Variants in GCA observed in about 807,000 individuals in gnomAD.
The protein encoded by GCA is grancalcin.
A neutral mutation model predicts 32.6 loss-of-function variants in GCA; 30 were observed. The ratio of observed to expected loss-of-function variants is 0.92; its 90% confidence interval spans 0.69 to 1.25. The LOEUF (loss-of-function observed/expected upper bound fraction) is 1.25, where lower values mean the gene tolerates loss of function less well. Among genes scored for constraint, GCA ranks in the 50% most tolerant of loss-of-function variants. The pLI is 0.00. For missense variants in GCA, 291 were observed against 266.8 expected (o/e 1.09, Z -0.63); for synonymous variants, 102 against 84.6 (o/e 1.21, Z -1.13).
intron 2 of GCA, among the ~76,000 whole-genome samples, chr2:162,351,211 T>C (rs1016793901): frequency 6.6e-6 from 1 of 152,234 alleles, no homozygotes; most frequent in African/African-American, 2.4e-5. Flanking sequence ...TTAACTTTTG[T>C]ATGCACACTG....
chr2:162,344,486 G>A, intron 1 of GCA: 1 of 588,924 alleles, frequency 1.7e-6, no homozygotes. Context: ...TGGTCGTTGA[G>A]GACCCTCGAG....
In GCA at chr2:162,358,456, T is replaced by G. The variant is rs1008920739; in HGVS notation, c.455-588T>G. On this transcript the variant is annotated intron_variant, in intron 5 of 7. Coordinates refer to ENST00000437150, the MANE Select transcript of GCA (RefSeq NM_012198.5). ...AAGATTTTGGACATCACAGGACTAC[T>G]GAACAAAGAACCAAGGAAATCAGTG... Among the ~76,000 whole-genome samples, 3 of 151,522 alleles carry G rather than the reference T, an allele frequency of 2.0e-5. No individual in the cohort carries two copies. The South Asian group carries it at 6.2e-4, about 31-fold the overall frequency.
chr2:162,335,176 C>G (rs1684227773), intron 1 of GCA, among the ~76,000 whole-genome samples: 1 of 152,096 alleles, frequency 6.6e-6, no homozygotes, highest in African/African-American at 2.4e-5. Flanking sequence ...CTTTGGGAGG[C>G]CAAGGTGGGT....
chr2:162,362,450 A>G lies in GCA; in HGVS notation c.*2207A>G, dbSNP rs1685613920. The G allele has an allele frequency of 1.0e-6, 1 of 963,814 alleles. No individual in the cohort carries two copies. The highest frequency in any genetic ancestry group is 4.8e-5 in the South Asian group (1 of 20,902). The allele number at this position is 963,814 out of a possible 1,614,324, so 59.7% of individuals were successfully genotyped here. Reference sequence around the variant, plus strand: ...AAAAATAACTGATATTTTTATGATGAACATGACTGTAATATGAATATAGTA... The same window carrying G: ...AAAAATAACTGATATTTTTATGATGGACATGACTGTAATATGAATATAGTA... On this transcript the variant is annotated 3_prime_UTR_variant, in exon 8 of 8. Coordinates refer to ENST00000437150, the MANE Select transcript of GCA (RefSeq NM_012198.5).
downstream of GCA, among the ~76,000 whole-genome samples, chr2:162,372,956 G>T (rs1231837945): frequency 2.6e-5 from 4 of 152,024 alleles, no homozygotes; most frequent in African/African-American, 4.8e-5. Context: ...GTGATGGGTG[G>T]GGTACAGACA....
rs80328908 is a variant in GCA, at chr2:162,362,081, T to G, written c.*1838T>G. 50 of 983,292 alleles carry G rather than the reference T, an allele frequency of 5.1e-5. No individual in the cohort carries two copies. Among genetic ancestry groups the G allele is most frequent in the Non-Finnish European group, 6.0e-5 (50 of 828,262 alleles). 60.9% of individuals were successfully genotyped at this position (983,292 alleles called of 1,614,324 possible). A position where few individuals can be genotyped will look rare whatever the true frequency, so the allele number is the denominator to read the frequency against. Reference sequence around the variant, plus strand: ...CAATTTTCATTTAAAAATGTTCTTATGACTTTTGGTCATAGAAGGTCTATG... The same window carrying G: ...CAATTTTCATTTAAAAATGTTCTTAGGACTTTTGGTCATAGAAGGTCTATG... On this transcript the variant is annotated 3_prime_UTR_variant, in exon 8 of 8. Transcript: ENST00000437150.
At chr2:162,328,941 C>A (rs1014567659) in intron 1 of GCA, among the ~76,000 whole-genome samples, 2 of 152,176 alleles carry the variant, frequency 1.3e-5, no homozygotes, top group African/African-American at 4.8e-5. Flanking sequence ...CTGACTATCC[C>A]AGCCAAACTC....
chr2:162,319,460 A>G (rs948943584), intron 1 of GCA: 4 of 227,370 alleles, frequency 1.8e-5, no homozygotes, highest in Non-Finnish European at 1.8e-5. Context: ...AAAATCCCCC[A>G]ACAACTTATT....
At chr2:162,343,966 C>T (rs1482437336), upstream of GCA, 1 of 468,570 alleles carries the variant, frequency 2.1e-6, no homozygotes, top group South Asian at 3.2e-5. Flanking sequence ...GGAGGGCTCC[C>T]GATGGGGTGT....
chr2:162,325,747 G>A (rs1683853714), intron 1 of GCA, among the ~76,000 whole-genome samples: 2 of 152,168 alleles, frequency 1.3e-5, no homozygotes, highest in Admixed American at 1.3e-4. Flanking sequence ...GTGTTTCTCA[G>A]TGTCTGTCAG....
intron 4 of GCA, 48 bp from the exon 5 acceptor site, chr2:162,356,710 C>T: frequency 7.2e-7 from 1 of 1,389,194 alleles, no homozygotes; most frequent in Non-Finnish European, 1.0e-6. Context: ...GATTTAGAGT[C>T]AGATAAACTC....
intron 1 of GCA, among the ~76,000 whole-genome samples, chr2:162,322,223 GC>G (rs1166029400): frequency 4.0e-5 from 6 of 150,450 alleles, no homozygotes; most frequent in Non-Finnish European, 8.9e-5. Flanking sequence ...AGCAGTTTTG[GC>G]AAAAAATGAA....
intron 5 of GCA, among the ~76,000 whole-genome samples, chr2:162,358,275 T>C (rs1415227429): frequency 6.6e-6 from 1 of 151,578 alleles, no homozygotes; most frequent in Admixed American, 6.6e-5. Context: ...AATTTATGTT[T>C]TTATTCAGTT....
chr2:162,343,313 T>A (rs1186464117), upstream of GCA, among the ~76,000 whole-genome samples: 1 of 152,114 alleles, frequency 6.6e-6, no homozygotes, highest in African/African-American at 2.4e-5. Context: ...TAAATCAGAC[T>A]TGTCCATTGC....
In GCA at chr2:162,362,246, A is replaced by T; in HGVS notation, c.*2003A>T. 2.0e-6 allele frequency: 2 copies of T among 984,612 alleles called. No homozygotes were observed. The highest frequency in any genetic ancestry group is 2.4e-6 in the Non-Finnish European group (2 of 829,480). 61.0% of individuals were successfully genotyped at this position (984,612 alleles called of 1,614,324 possible). Reference sequence around the variant, plus strand: ...GACCCAGTTTTTTCCAAACTTTTTGACCACAGAACCCCTTTCTCTAGCAAA... The same window carrying T: ...GACCCAGTTTTTTCCAAACTTTTTGTCCACAGAACCCCTTTCTCTAGCAAA... On this transcript the variant is annotated 3_prime_UTR_variant, in exon 8 of 8. Transcript: ENST00000437150.
intron 2 of GCA, among the ~76,000 whole-genome samples, chr2:162,348,946 A>C (rs889715573): frequency 4.9e-4 from 74 of 152,010 alleles, no homozygotes; most frequent in African/African-American, 1.5e-3. Flanking sequence ...TAATTGATAA[A>C]TAATATAATA....
chr2:162,329,636 G>C, intron 1 of GCA, among the ~76,000 whole-genome samples: 1 of 150,002 alleles, frequency 6.7e-6, no homozygotes, highest in African/African-American at 2.4e-5. Flanking sequence ...TTAATGATAG[G>C]GATCAAAATT....
At chr2:162,371,366 T>G (rs1333656984) in exon 5 of GCA, 1 of 1,288,916 alleles carries the variant, frequency 7.8e-7, no homozygotes, top group Admixed American at 2.3e-5. Context: ...TGAATCTGTG[T>G]GCAAAAGTGA....
downstream of GCA, among the ~76,000 whole-genome samples, chr2:162,372,490 A>T (rs1424350929): frequency 6.6e-6 from 1 of 152,192 alleles, no homozygotes; most frequent in Non-Finnish European, 1.5e-5. Context: ...AAAATCCGTC[A>T]TCCCTAGTCA....
Sources: allele counts gnomAD v4.1 joint callset (sites outside exome capture counted in the v4.1 genomes callset), GRCh38; gene constraint gnomAD v4.1.1; transcripts MANE v1.5; gene names NCBI Gene and HGNC (gene_info 2026-07-23, HGNC 2026-07-21).